The following TENM3 variants were observed in gnomAD, a reference collection of about 807,000 sequenced individuals.
The protein encoded by TENM3 is teneurin-3.
In TENM3, 63 loss-of-function variants were observed where a neutral mutation model predicts 255.1. The observed-to-expected ratio is 0.25, with a 90% CI of 0.20 to 0.30. TENM3 has a LOEUF of 0.30. Ranked by LOEUF, TENM3 falls within the 10% of genes least tolerant of loss-of-function variation. The probability of loss-of-function intolerance (pLI) is 1.00; values close to 1 mark genes in which losing one functional copy is unlikely to be tolerated. For synonymous variants in TENM3, 1,306 were observed against 1,322.3 expected, an observed-to-expected ratio of 0.99 and a Z score of 0.27; for missense variants, 2,929 against 3,461.1, an observed-to-expected ratio of 0.85 and a Z score of 3.86.
chr4:182,287,661 T>C (rs1356529307), intron 1 of TENM3, among the ~76,000 whole-genome samples: 2 of 152,150 alleles, frequency 1.3e-5, no homozygotes, highest in African/African-American at 4.8e-5. Flanking sequence ...ACACCCAGGC[T>C]GGAGTGCAGT....
intron 1 of TENM3, among the ~76,000 whole-genome samples, chr4:182,173,628 G>A (rs750222057): frequency 6.6e-6 from 1 of 152,168 alleles, no homozygotes. Flanking sequence ...TATACCGAAG[G>A]CTGTGAAGAA....
At chr4:182,567,855 A>AC (rs1409597513) in intron 3 of TENM3, among the ~76,000 whole-genome samples, 4 of 150,450 alleles carry the variant, frequency 2.7e-5, no homozygotes, top group Non-Finnish European at 5.9e-5. Context: ...AAAAAAAAAA[A>AC]AAAACAGAAA....
At chr4:182,666,942 T>G (rs1754744055) in intron 6 of TENM3, among the ~76,000 whole-genome samples, 1 of 152,074 alleles carries the variant, frequency 6.6e-6, no homozygotes. Context: ...CTTAGTAGAC[T>G]GCAGTATAGT....
chr4:182,180,094 T>TAAAACCTACTTTCAGGGTA (rs1752750650), intron 1 of TENM3, among the ~76,000 whole-genome samples: 1 of 151,690 alleles, frequency 6.6e-6, no homozygotes, highest in East Asian at 1.9e-4. Context: ...GAAATTTAAA[T>TAAAACCTACTTTCAGGGTA]AAAACCTACT....
chr4:182,199,320 G>A (rs1018523080), intron 1 of TENM3, among the ~76,000 whole-genome samples: 2 of 152,196 alleles, frequency 1.3e-5, no homozygotes, highest in African/African-American at 4.8e-5. Context: ...TACTCAGGAG[G>A]CTGAGGCAGG....
chr4:182,225,022 G>T (rs537747680), intron 1 of TENM3, among the ~76,000 whole-genome samples: 130 of 152,164 alleles, frequency 8.5e-4, no homozygotes, highest in African/African-American at 2.9e-3. Flanking sequence ...AGGAGCCACC[G>T]CTCCCTGGCT....
chr4:182,385,442 T>G (rs1205105456), intron 3 of TENM3, among the ~76,000 whole-genome samples: 1 of 151,960 alleles, frequency 6.6e-6, no homozygotes, highest in Non-Finnish European at 1.5e-5. Context: ...TTTTTGTATT[T>G]TTAGTAGAGA....
the TENM3 span, among the ~76,000 whole-genome samples, chr4:181,810,876 T>C: frequency 6.6e-6 from 1 of 152,088 alleles, no homozygotes; most frequent in Admixed American, 6.6e-5. Flanking sequence ...CTAAGGAGTG[T>C]GGGAAGATGA....
At chr4:182,198,570 A>C (rs1169062093) in intron 1 of TENM3, among the ~76,000 whole-genome samples, 1 of 152,244 alleles carries the variant, frequency 6.6e-6, no homozygotes, top group African/African-American at 2.4e-5. Flanking sequence ...GACAAATATC[A>C]TAACACCTAA....
chr4:182,210,404 T>C (rs1489262306), intron 1 of TENM3, among the ~76,000 whole-genome samples: 1 of 152,222 alleles, frequency 6.6e-6, no homozygotes, highest in Non-Finnish European at 1.5e-5. Flanking sequence ...TGGAAGCCTT[T>C]ACTTATTATG....
At chr4:182,416,611 G>A (rs1180745136) in intron 3 of TENM3, among the ~76,000 whole-genome samples, 1 of 151,834 alleles carries the variant, frequency 6.6e-6, no homozygotes, top group South Asian at 2.1e-4. Flanking sequence ...AATAACTCGT[G>A]ATTTAAATAA....
intron 3 of TENM3, among the ~76,000 whole-genome samples, chr4:182,417,488 T>A (rs1379274411): frequency 6.6e-6 from 1 of 152,190 alleles, no homozygotes; most frequent in African/African-American, 2.4e-5. Flanking sequence ...TTCTTTATTT[T>A]TTACTTGCAT....
the TENM3 span, among the ~76,000 whole-genome samples, chr4:181,581,667 C>T: frequency 9.9e-5 from 15 of 152,018 alleles, no homozygotes; most frequent in East Asian, 2.9e-3. Flanking sequence ...AAATACTATA[C>T]CTGTTATTCT....
the TENM3 span, among the ~76,000 whole-genome samples, chr4:181,581,137 G>A: frequency 1.3e-5 from 2 of 152,014 alleles, no homozygotes; most frequent in African/African-American, 4.8e-5. Flanking sequence ...GGAGCTATCA[G>A]TGAGGGGAAA....
chr4:182,340,268 A>G (rs544076694), intron 2 of TENM3, among the ~76,000 whole-genome samples: 15 of 152,270 alleles, frequency 9.9e-5, no homozygotes, highest in African/African-American at 3.4e-4. Context: ...TGAAAGCTAC[A>G]TTTGTGATGA....
At chr4:181,671,609 C>T in the TENM3 span, among the ~76,000 whole-genome samples, 18 of 152,148 alleles carry the variant, frequency 1.2e-4, no homozygotes, top group Admixed American at 6.6e-5. Context: ...ACTTGGTGCT[C>T]GACGTACATT....
intron 13 of TENM3, among the ~76,000 whole-genome samples, chr4:182,718,743 G>A (rs1230118587): frequency 6.6e-6 from 1 of 152,118 alleles, no homozygotes; most frequent in Admixed American, 6.5e-5. Flanking sequence ...TAGTGCCCAA[G>A]ATTAGCAAGG....
intron 3 of TENM3, among the ~76,000 whole-genome samples, chr4:182,511,437 A>T (rs1737386546): frequency 6.6e-6 from 1 of 152,138 alleles, no homozygotes; most frequent in African/African-American, 2.4e-5. Flanking sequence ...TAAATTGATA[A>T]TTTCTTGGAA....
the TENM3 span, among the ~76,000 whole-genome samples, chr4:181,746,166 A>G: frequency 6.6e-6 from 1 of 152,218 alleles, no homozygotes; most frequent in East Asian, 1.9e-4. Context: ...GAACAGCAGG[A>G]GGAGGGAGCA....
Sources: allele counts gnomAD v4.1 joint callset (sites outside exome capture counted in the v4.1 genomes callset), GRCh38; gene constraint gnomAD v4.1.1; transcripts MANE v1.5; gene names NCBI Gene and HGNC (gene_info 2026-07-23, HGNC 2026-07-21).